Variants in LSAMP observed in about 807,000 individuals in gnomAD.
The protein encoded by LSAMP is limbic system associated membrane protein, also known as limbic system-associated membrane protein.
In LSAMP, 7 loss-of-function variants were observed where a neutral mutation model predicts 38.6. That is an observed-to-expected ratio of 0.18 (90% CI 0.10 to 0.34). The LOEUF (loss-of-function observed/expected upper bound fraction) is 0.34. Ranked by LOEUF, LSAMP falls within the 10% of genes least tolerant of loss-of-function variation. LSAMP has a pLI of 1.00. For synonymous variants in LSAMP, 154 were observed against 166.8 expected (o/e 0.92, Z 0.59); for missense variants, 313 against 420.0 (o/e 0.75, Z 2.23).
intron 1 of LSAMP, among the ~76,000 whole-genome samples, chr3:116,268,869 C>CT (rs908716845): frequency 3.9e-5 from 6 of 151,932 alleles, no homozygotes; most frequent in African/African-American, 1.2e-4. Flanking sequence ...ATGGAACTAA[C>CT]TTTTTTGGGG....
intron 1 of LSAMP, among the ~76,000 whole-genome samples, chr3:116,376,794 C>T (rs552365309): frequency 5.3e-5 from 8 of 151,976 alleles, no homozygotes; most frequent in South Asian, 2.1e-4. Context: ...CACTTACTGC[C>T]AAACTAATCT....
chr3:116,031,119 C>A (rs1259261615), intron 2 of LSAMP, among the ~76,000 whole-genome samples: 1 of 151,966 alleles, frequency 6.6e-6, no homozygotes. Flanking sequence ...GTCATTATAT[C>A]AAAAGCAAGG....
At chr3:116,143,607 A>C (rs1709421692) in intron 1 of LSAMP, among the ~76,000 whole-genome samples, 1 of 151,916 alleles carries the variant, frequency 6.6e-6, no homozygotes, top group Admixed American at 6.6e-5. Flanking sequence ...TATTCACAAA[A>C]TTAAAAGTCT....
At chr3:116,288,315 A>G (rs1042680332) in intron 1 of LSAMP, among the ~76,000 whole-genome samples, 1 of 152,178 alleles carries the variant, frequency 6.6e-6, no homozygotes, top group East Asian at 1.9e-4. Context: ...TGGATTCTCA[A>G]AGAAAAGACA....
intron 3 of LSAMP, among the ~76,000 whole-genome samples, chr3:115,868,178 G>A (rs1228046133): frequency 6.6e-6 from 1 of 152,118 alleles, no homozygotes; most frequent in Admixed American, 6.6e-5. Flanking sequence ...TGTCTACCTG[G>A]AGAACTGTTG....
chr3:115,864,574 G>A (rs990273176), intron 3 of LSAMP, among the ~76,000 whole-genome samples: 4 of 152,132 alleles, frequency 2.6e-5, no homozygotes, highest in Non-Finnish European at 1.5e-5. Context: ...GAAAAGTTCT[G>A]AGGTGGAGGT....
At chr3:115,955,387 A>T (rs1405019792) in intron 3 of LSAMP, among the ~76,000 whole-genome samples, 1 of 152,184 alleles carries the variant, frequency 6.6e-6, no homozygotes, top group Admixed American at 6.5e-5. Flanking sequence ...TTTCTTTACT[A>T]AAATATCCCA....
chr3:116,172,366 T>A (rs74935363), intron 1 of LSAMP, among the ~76,000 whole-genome samples: 2 of 150,652 alleles, frequency 1.3e-5, no homozygotes, highest in South Asian at 4.1e-4. Flanking sequence ...TTTTTTTTTT[T>A]ACTTGAAAGC....
At chr3:115,821,465 G>C (rs1934235924) in intron 6 of LSAMP, among the ~76,000 whole-genome samples, 1 of 152,264 alleles carries the variant, frequency 6.6e-6, no homozygotes, top group East Asian at 1.9e-4. Context: ...AGTTTATATT[G>C]TTTGCACAGT....
At chr3:116,397,311 G>A (rs1403026441) in intron 1 of LSAMP, among the ~76,000 whole-genome samples, 4 of 151,872 alleles carry the variant, frequency 2.6e-5, no homozygotes, top group East Asian at 3.9e-4. Context: ...GTAAGTTCCT[G>A]CCTCAAGGCC....
intron 1 of LSAMP, among the ~76,000 whole-genome samples, chr3:116,172,834 T>G (rs867934065): frequency 6.6e-6 from 1 of 152,022 alleles, no homozygotes; most frequent in South Asian, 2.1e-4. Flanking sequence ...TAAGGGTTGG[T>G]TCACTTATAT....
chr3:116,155,501 T>A (rs1235833426), intron 1 of LSAMP, among the ~76,000 whole-genome samples: 1 of 152,114 alleles, frequency 6.6e-6, no homozygotes, highest in Non-Finnish European at 1.5e-5. Context: ...GTGCTGTTAT[T>A]ACAAGTGTGA....
intron 1 of LSAMP, among the ~76,000 whole-genome samples, chr3:116,161,219 G>A (rs1709879701): frequency 6.6e-6 from 1 of 152,146 alleles, no homozygotes; most frequent in African/African-American, 2.4e-5. Flanking sequence ...CCACAGTGAG[G>A]AAGCAAGAGA....
chr3:116,228,573 T>C (rs984753439), intron 1 of LSAMP, among the ~76,000 whole-genome samples: 29 of 152,060 alleles, frequency 1.9e-4, no homozygotes, highest in African/African-American at 7.0e-4. Context: ...GGTAAATATA[T>C]GGAGTAAGTA....
rs1576111105 is a variant in LSAMP at position 115,821,947 on chromosome 3, C to T, written c.920-11533G>A. Among the ~76,000 whole-genome samples, 3 of 152,092 alleles carry T rather than the reference C, an allele frequency of 2.0e-5. No individual in the cohort carries two copies. The South Asian group carries it at 6.2e-4, about 32-fold the overall frequency. ...TTGGCCAAATTTTTGAAAAATAAAA[C>T]CTTTATAATTATAGTGGCTTAAAAG... is the stretch of plus-strand genomic sequence containing the variant. On this transcript the variant is annotated intron_variant, in intron 6 of 6. Transcript: ENST00000490035.
intron 3 of LSAMP, among the ~76,000 whole-genome samples, chr3:116,015,157 C>T (rs578043714): frequency 9.2e-5 from 14 of 152,268 alleles, no homozygotes; most frequent in African/African-American, 3.4e-4. Context: ...GAAAATTACA[C>T]AGTATCTCTT....
chr3:115,965,234 G>A (rs1013001625), intron 3 of LSAMP, among the ~76,000 whole-genome samples: 1 of 151,760 alleles, frequency 6.6e-6, no homozygotes, highest in East Asian at 1.9e-4. Flanking sequence ...ACAAAGAAAG[G>A]AAATATGAAT....
intron 1 of LSAMP, among the ~76,000 whole-genome samples, chr3:116,116,795 C>T (rs1708761755): frequency 6.6e-6 from 1 of 152,020 alleles, no homozygotes; most frequent in African/African-American, 2.4e-5. Flanking sequence ...TCTCCAGGAG[C>T]CACGTCAAAA....
intron 6 of LSAMP, among the ~76,000 whole-genome samples, chr3:115,818,298 C>T (rs999849384): frequency 6.6e-6 from 1 of 152,086 alleles, no homozygotes; most frequent in Non-Finnish European, 1.5e-5. Flanking sequence ...TTTTAAGAAC[C>T]CCTTAAGGCC....
Sources: allele counts gnomAD v4.1 joint callset (sites outside exome capture counted in the v4.1 genomes callset), GRCh38; gene constraint gnomAD v4.1.1; transcripts MANE v1.5; gene names NCBI Gene and HGNC (gene_info 2026-07-23, HGNC 2026-07-21).